Variants in NLRC5 observed in about 807,000 individuals in gnomAD.
The protein encoded by NLRC5 is protein NLRC5.
A neutral mutation model predicts 206.9 loss-of-function variants in NLRC5; 114 were observed. The ratio of observed to expected loss-of-function variants is 0.55; its 90% CI spans 0.47 to 0.64. The LOEUF is 0.64. Ranked by LOEUF, NLRC5 falls within the 30% of genes least tolerant of loss-of-function variation. The probability of loss-of-function intolerance (pLI) is 0.00; values close to 1 mark genes in which losing one functional copy is unlikely to be tolerated. For missense variants in NLRC5, 2,008 were observed against 2,305.5 expected (o/e 0.87, Z 2.64); for synonymous variants, 952 against 962.8 (o/e 0.99, Z 0.21).
intron 24 of NLRC5, among the ~76,000 whole-genome samples, chr16:57,053,826 T>G (rs9925589): frequency 0.18 from 27,257 of 152,038 alleles, 4,006 homozygotes; most frequent in African/African-American, 0.41. Context: ...ACTGCACCCG[T>G]TCCTCATTTG....
chr16:57,075,451 C>T (rs1301342928), intron 39 of NLRC5, among the ~76,000 whole-genome samples: 7 of 152,268 alleles, frequency 4.6e-5, no homozygotes, highest in African/African-American at 1.4e-4. Flanking sequence ...AACGTCCAAC[C>T]TCAGGTGATC....
chr16:56,997,804 C>T (rs7187261), intron 1 of NLRC5, among the ~76,000 whole-genome samples: 7,824 of 152,224 alleles, frequency 0.051, 281 homozygotes, highest in East Asian at 0.091. Context: ...TGGTCTCAAA[C>T]TACTGGGCTC....
chr16:57,054,946 G>A, intron 25 of NLRC5, 86 bp from the exon 26 acceptor site: 1 of 1,589,690 alleles, frequency 6.3e-7, no homozygotes, highest in Non-Finnish European at 8.6e-7. Flanking sequence ...ACTAGAGGCT[G>A]GGCTTCCGGA....
At chr16:57,051,407 C>T in intron 23 of NLRC5, 131 bp from the exon 24 acceptor site, 1 of 714,862 alleles carries the variant, frequency 1.4e-6, no homozygotes, top group Non-Finnish European at 2.5e-6. Flanking sequence ...AACCCATGGA[C>T]CCAGTGCTGG....
Position 57,036,174 on chromosome 16 carries a change from G to T in NLRC5, c.2702G>T (p.Arg901Met). 1 of 1,613,190 alleles carries T rather than the reference G, an allele frequency of 6.2e-7. No individual in the cohort carries two copies. Among genetic ancestry groups the T allele is most frequent in the African/African-American group, 1.3e-5 (1 of 75,024 alleles). ...GCTGCATCCCAGCTGCACATCGCCA[G>T]GAAGCTGGAGTGAGTTGTCCACCCC... ...AEAASQLHIARKLDLSNNGLS... is the reference protein window; with the variant it reads ...AEAASQLHIAMKLDLSNNGLS... Residue 901 changes from arginine to methionine, a missense_variant, in exon 14 of 49, where the codon AGG becomes ATG. Physicochemically the swap from Arg to Met is moderately conservative, Grantham distance 91. Transcript: ENST00000688547.
At position 57,074,775 on chromosome 16, in the gene NLRC5, C is replaced by T. The variant is rs1449233244; in HGVS notation, c.4751+92C>T. 6 of 1,229,678 alleles carry T rather than the reference C, an allele frequency of 4.9e-6. No homozygotes were observed. The East Asian group carries it at 1.4e-4, about 29-fold the overall frequency. 76.2% of individuals were successfully genotyped at this position (1,229,678 alleles called of 1,614,324 possible). A position where few individuals can be genotyped will look rare whatever the true frequency, so the allele number is the denominator to read the frequency against. Reference sequence around the variant, plus strand: ...TCCAGGGAAGCACTGAGGCCACCTCCCAGGGGATCCTTTGCGGATCCCTCC... The same window carrying T: ...TCCAGGGAAGCACTGAGGCCACCTCTCAGGGGATCCTTTGCGGATCCCTCC... On this transcript the variant is annotated intron_variant, in intron 39 of 48. Transcript: ENST00000688547.
rs560233489 is a variant in NLRC5, at chr16:57,063,773, C to G, written c.4155-1439C>G. 2.6e-5 allele frequency among the ~76,000 whole-genome samples: 4 copies of G among 152,124 alleles called. No individual in the cohort carries two copies. In the East Asian group the frequency reaches 7.8e-4, roughly 30 times the overall value. On this transcript the variant is annotated intron_variant, in intron 32 of 48. Transcript: ENST00000688547. ...TTTTTTTTTGAGACGGAGTCTCGCT[C>G]TGTTGCCCAGGTTGGAGTGCAGTGG...
intron 1 of NLRC5, among the ~76,000 whole-genome samples, chr16:56,991,678 C>CTTTT (rs35559322): frequency 3.8e-5 from 4 of 105,630 alleles, no homozygotes; most frequent in Non-Finnish European, 3.6e-5. Context: ...GCCCGGACTC[C>CTTTT]TTTTTTTTTT....
At chr16:57,063,366 T>G (rs2066752380) in intron 32 of NLRC5, among the ~76,000 whole-genome samples, 1 of 152,116 alleles carries the variant, frequency 6.6e-6, no homozygotes, top group Non-Finnish European at 1.5e-5. Flanking sequence ...TCTGCCCGTT[T>G]CGGCCTTCCA....
chr16:57,080,964 C>T, intron 46 of NLRC5, 134 bp from the exon 47 acceptor site: 1 of 685,056 alleles, frequency 1.5e-6, no homozygotes, highest in Non-Finnish European at 2.5e-6. Context: ...GACACACAAG[C>T]ACCCTATCAG....
intron 15 of NLRC5, 43 bp downstream of exon 15, chr16:57,037,327 C>T (rs375900127): frequency 1.0e-5 from 15 of 1,481,548 alleles, no homozygotes; most frequent in South Asian, 4.5e-5. Flanking sequence ...CCCCCCCCAT[C>T]ATGCTCTCTC....
chr16:57,036,086 G>GC lies in NLRC5; in HGVS notation c.2628-8dup, dbSNP rs200765660. The GC allele has an allele frequency of 1.2e-5, 19 of 1,570,560 alleles. No individual in the cohort carries two copies. Among genetic ancestry groups the GC allele is most frequent in the African/African-American group, 3.5e-5 (2 of 57,386 alleles). ...CCAGCCCCACAATACAGTGCATTGG[G>GC]CCCCCCGTCTCAGCCTCTCAGGGAA... On this transcript the variant is annotated splice_polypyrimidine_tract_variant and intron_variant, in intron 13 of 48. Coordinates refer to ENST00000688547, the MANE Select transcript of NLRC5 (RefSeq NM_001384950.1).
Position 57,041,341 on chromosome 16 carries a change from C to G in NLRC5, c.2940-144C>G. ...TCGTGTGTGTTGGTCCCTCTTTGTC[C>G]GTCTGTCTAGGTGCCAGATACATCC... On this transcript the variant is annotated intron_variant, in intron 17 of 48. Transcript: ENST00000688547. 6.4e-6 allele frequency: 4 copies of G among 629,658 alleles called. No individual in the cohort carries two copies. The South Asian group carries it at 7.8e-5, about 12-fold the overall frequency. 39.0% of individuals were successfully genotyped at this position (629,658 alleles called of 1,614,324 possible). A position where few individuals can be genotyped will look rare whatever the true frequency, so the allele number is the denominator to read the frequency against.
chr16:57,023,781 T>G lies in NLRC5; in HGVS notation c.356-4T>G. ...CTCCTCCACCCCTTCCTTTGCTTTT[T>G]CAGGCCTGAAGCGCCCACATCAGAG... On this transcript the variant is annotated splice_polypyrimidine_tract_variant and splice_region_variant and intron_variant, in intron 4 of 48. Coordinates refer to ENST00000688547, the MANE Select transcript of NLRC5 (RefSeq NM_001384950.1). 6.2e-7 allele frequency: 1 copy of G among 1,610,290 alleles called. No homozygotes were observed. Among genetic ancestry groups the G allele is most frequent in the Non-Finnish European group, 8.5e-7 (1 of 1,177,958 alleles).
At chr16:57,006,182 C>G (rs2058878871) in intron 1 of NLRC5, among the ~76,000 whole-genome samples, 1 of 151,360 alleles carries the variant, frequency 6.6e-6, no homozygotes, top group Non-Finnish European at 1.5e-5. Context: ...TATTTTTTGT[C>G]AAGATGGGGT....
At chr16:57,009,611 A>G (rs1258861271) in intron 1 of NLRC5, among the ~76,000 whole-genome samples, 1 of 152,164 alleles carries the variant, frequency 6.6e-6, no homozygotes, top group Non-Finnish European at 1.5e-5. Flanking sequence ...AAATACAAGA[A>G]CATATTATAT....
Position 57,079,351 on chromosome 16 carries a change from C to T in NLRC5, c.5237+59C>T, listed in dbSNP as rs1393468712. 3 of 1,574,560 alleles carry T rather than the reference C, an allele frequency of 1.9e-6. No homozygotes were observed. The African/African-American group carries it at 4.1e-5, about 21-fold the overall frequency. ...GTGGCAGGCTGAGGGCAGCCCTTCTCTGACTGAGCCTAACACCTGGGGAGG... is the reference window on the plus strand; with the variant it reads ...GTGGCAGGCTGAGGGCAGCCCTTCTTTGACTGAGCCTAACACCTGGGGAGG... On this transcript the variant is annotated intron_variant, in intron 45 of 48. Transcript: ENST00000688547.
intron 20 of NLRC5, chr16:57,045,183 G>A (rs1201031753): frequency 2.3e-6 from 1 of 439,020 alleles, no homozygotes; most frequent in African/African-American, 2.0e-5. Context: ...CACCAGCCTG[G>A]GCGACAGAGC....
chr16:57,042,036 C>T lies in NLRC5; in HGVS notation c.3084C>T (p.Leu1028=). 8 of 1,570,726 alleles carry T rather than the reference C, an allele frequency of 5.1e-6. No homozygotes were observed. The highest frequency in any genetic ancestry group is 6.0e-6 in the Non-Finnish European group (7 of 1,162,284). Residue 1028 remains leucine (L), a synonymous_variant, in exon 19 of 49, where the codon CTC becomes CTT. Transcript: ENST00000688547. Reference sequence around the variant, plus strand: ...GTGCAGCCCGGCTGGCTCAGCTGCTCCCAGGGCTGGGAGCTCTGCAGTCCT... The same window carrying T: ...GTGCAGCCCGGCTGGCTCAGCTGCTTCCAGGGCTGGGAGCTCTGCAGTCCT... The part of the protein sequence containing the change: ...DEGAARLAQL[L]PGLGALQSLN...
Sources: allele counts gnomAD v4.1 joint callset (sites outside exome capture counted in the v4.1 genomes callset), GRCh38; gene constraint gnomAD v4.1.1; transcripts MANE v1.5; gene names NCBI Gene and HGNC (gene_info 2026-07-23, HGNC 2026-07-21).